Variants in EDIL3 observed in about 807,000 individuals in gnomAD.
The protein encoded by EDIL3 is EGF like and discoidin domains 3.
Under a neutral mutation model 67.4 loss-of-function variants are expected in EDIL3, and 37 were observed. The ratio of observed to expected loss-of-function variants is 0.55; its 90% CI spans 0.42 to 0.72. EDIL3 has a LOEUF of 0.72. Ranked by LOEUF, EDIL3 falls within the 30% of genes least tolerant of loss-of-function variation. EDIL3 has a pLI of 0.00. For missense variants in EDIL3, 527 were observed against 586.3 expected (o/e 0.90, Z 1.04); for synonymous variants, 195 against 196.3 (o/e 0.99, Z 0.05).
At chr5:84,075,461 G>GCTTCTTCTTCTTCTTCTT (rs760523965) in intron 6 of EDIL3, among the ~76,000 whole-genome samples, 131 of 151,916 alleles carry the variant, frequency 8.6e-4, no homozygotes, top group African/African-American at 2.9e-3. Flanking sequence ...TTTGACAGGG[G>GCTTCTTCTTCTTCTTCTT]CTTCTTCTTC....
chr5:84,131,775 C>T (rs1000048704), intron 5 of EDIL3, among the ~76,000 whole-genome samples: 18 of 151,948 alleles, frequency 1.2e-4, no homozygotes, highest in Non-Finnish European at 2.6e-4. Context: ...AAAAGATTTG[C>T]CTGTCATTAT....
chr5:84,045,119 T>G (rs1318542843), intron 9 of EDIL3, among the ~76,000 whole-genome samples: 2 of 152,034 alleles, frequency 1.3e-5, no homozygotes, highest in Non-Finnish European at 2.9e-5. Flanking sequence ...GGAAAACCCT[T>G]ATAAAACCAT....
chr5:84,288,955 G>A (rs1291051796), intron 1 of EDIL3, among the ~76,000 whole-genome samples: 1 of 151,962 alleles, frequency 6.6e-6, no homozygotes, highest in African/African-American at 2.4e-5. Context: ...AATTAAAGTT[G>A]AATAAATAAA....
intron 1 of EDIL3, among the ~76,000 whole-genome samples, chr5:84,309,262 T>C (rs1746331930): frequency 6.6e-6 from 1 of 151,948 alleles, no homozygotes; most frequent in South Asian, 2.1e-4. Flanking sequence ...CCAACAATGC[T>C]ATCTTTCTTT....
chr5:84,264,267 T>G (rs539015635), intron 1 of EDIL3, among the ~76,000 whole-genome samples: 60 of 152,086 alleles, frequency 3.9e-4, no homozygotes, highest in Admixed American at 3.4e-3. Flanking sequence ...ACAAATAAAT[T>G]GAAGGAGTTC....
In EDIL3 at chr5:84,132,330, A is replaced by T. The variant is rs856434; in HGVS notation, c.469+4911T>A. Among the ~76,000 whole-genome samples the T allele has an allele frequency of 1.6e-3, 164 of 102,856 alleles. 2 individuals carry two copies. Among genetic ancestry groups the T allele is most frequent in the African/African-American group, 6.5e-3 (156 of 23,858 alleles). The allele number at this position is 102,856 out of a possible 152,430, so 67.5% of individuals were successfully genotyped here. A position where few individuals can be genotyped will look rare whatever the true frequency, so the allele number is the denominator to read the frequency against. On this transcript the variant is annotated intron_variant, in intron 5 of 10. Transcript: ENST00000296591. ...ATATATATTATATATATTTTATATAATATATATTATATATATTTTATACAT... is the reference window on the plus strand; with the variant it reads ...ATATATATTATATATATTTTATATATTATATATTATATATATTTTATACAT...
intron 1 of EDIL3, among the ~76,000 whole-genome samples, chr5:84,258,461 T>A (rs1361004393): frequency 1.3e-5 from 2 of 152,106 alleles, no homozygotes; most frequent in African/African-American, 4.8e-5. Context: ...TGGAAGGAAT[T>A]CCCCTAGGTC....
chr5:84,302,322 A>C (rs1746178483), intron 1 of EDIL3, among the ~76,000 whole-genome samples: 1 of 152,076 alleles, frequency 6.6e-6, no homozygotes, highest in African/African-American at 2.4e-5. Context: ...TTTGAGACAG[A>C]GTCTCACTCT....
At chr5:84,237,191 T>A (rs1467645642) in intron 2 of EDIL3, among the ~76,000 whole-genome samples, 2 of 152,110 alleles carry the variant, frequency 1.3e-5, no homozygotes, top group Non-Finnish European at 2.9e-5. Context: ...CACTTCAACC[T>A]CAATTCATTT....
chr5:84,050,420 A>G (rs938514629), intron 9 of EDIL3, among the ~76,000 whole-genome samples: 4 of 152,086 alleles, frequency 2.6e-5, no homozygotes, highest in Non-Finnish European at 5.9e-5. Flanking sequence ...TGCATTTCCA[A>G]CTGAGGTACC....
chr5:84,378,692 T>G (rs1748018047), intron 1 of EDIL3, among the ~76,000 whole-genome samples: 1 of 152,182 alleles, frequency 6.6e-6, no homozygotes, highest in Admixed American at 6.5e-5. Flanking sequence ...TGGATGAAGC[T>G]TCAAGGCAAG....
At chr5:84,242,573 G>A (rs1364481064) in intron 2 of EDIL3, among the ~76,000 whole-genome samples, 1 of 151,798 alleles carries the variant, frequency 6.6e-6, no homozygotes, top group Non-Finnish European at 1.5e-5. Flanking sequence ...TGAGGTGGGC[G>A]GATTGCTTGA....
intron 2 of EDIL3, among the ~76,000 whole-genome samples, chr5:84,251,279 A>C (rs2112072520): frequency 6.6e-6 from 1 of 151,994 alleles, no homozygotes; most frequent in South Asian, 2.1e-4. Context: ...TGCCCGGTTA[A>C]TTTTTGTATA....
intron 1 of EDIL3, among the ~76,000 whole-genome samples, chr5:84,372,834 T>G (rs1404710690): frequency 6.6e-6 from 1 of 152,200 alleles, no homozygotes; most frequent in Non-Finnish European, 1.5e-5. Flanking sequence ...AGCATTGATC[T>G]TAATGAGATA....
intron 1 of EDIL3, among the ~76,000 whole-genome samples, chr5:84,371,856 AAATT>A (rs1366960848): frequency 1.3e-5 from 2 of 152,076 alleles, no homozygotes; most frequent in Non-Finnish European, 2.9e-5. Flanking sequence ...GCAAAACAAT[AAATT>A]AAACAATAAA....
At chr5:84,215,578 TTAA>T (rs1744212514) in intron 3 of EDIL3, among the ~76,000 whole-genome samples, 2 of 152,156 alleles carry the variant, frequency 1.3e-5, no homozygotes, top group African/African-American at 2.4e-5. Flanking sequence ...TTTAAAAAAA[TTAA>T]TAATATTAAA....
chr5:84,188,498 G>A lies in EDIL3; in HGVS notation c.227-7977C>T, dbSNP rs564946644. Among the ~76,000 whole-genome samples the A allele has an allele frequency of 5.9e-5, 9 of 151,624 alleles. No homozygotes were observed. The East Asian group carries it at 9.7e-4, about 16-fold the overall frequency. ...TAAGAACTCACCATAAATCTAATACGTCTTCATCTTTAGATCCTTAACAAT... is the reference window on the plus strand; with the variant it reads ...TAAGAACTCACCATAAATCTAATACATCTTCATCTTTAGATCCTTAACAAT... On this transcript the variant is annotated intron_variant, in intron 3 of 10. Coordinates refer to ENST00000296591, the MANE Select transcript of EDIL3 (RefSeq NM_005711.5).
chr5:83,943,396 G>A lies in EDIL3; in HGVS notation c.*23C>T. On this transcript the variant is annotated 3_prime_UTR_variant, in exon 11 of 11. Coordinates refer to ENST00000296591, the MANE Select transcript of EDIL3 (RefSeq NM_005711.5). ...GATACTTTTAGGGAAATAGGGAAGA[G>A]GGTTGTGAAATGTAGCCTCCCCTCA... The A allele has an allele frequency of 1.9e-6, 3 of 1,611,642 alleles. No homozygotes were observed. Among genetic ancestry groups the A allele is most frequent in the East Asian group, 4.5e-5 (2 of 44,668 alleles).
chr5:84,117,036 T>TTA (rs1747680636), intron 5 of EDIL3, among the ~76,000 whole-genome samples: 5 of 139,852 alleles, frequency 3.6e-5, no homozygotes, highest in African/African-American at 1.3e-4. Flanking sequence ...TTTTTTTTTT[T>TTA]TTTTTTTTTG....
Sources: gnomAD v4.1 joint callset for allele counts (sites outside exome capture counted in the v4.1 genomes callset) on GRCh38, gnomAD v4.1.1 for gene constraint, MANE v1.5 for transcripts, NCBI Gene and HGNC (gene_info 2026-07-23, HGNC 2026-07-21) for gene names.